EXT1: variants seen among roughly 807,000 people sequenced by gnomAD.
EXT1 encodes the protein exostosin glycosyltransferase 1.
A neutral mutation model predicts 82.5 loss-of-function variants in EXT1; 20 were observed. The observed-to-expected ratio is 0.24, with a 90% CI of 0.17 to 0.35. The LOEUF (loss-of-function observed/expected upper bound fraction) is 0.35, where lower values mean the gene tolerates loss of function less well. Ranked by LOEUF, EXT1 falls within the 10% of genes least tolerant of loss-of-function variation. The probability of loss-of-function intolerance (pLI) is 1.00; values close to 1 mark genes in which losing one functional copy is unlikely to be tolerated. For synonymous variants in EXT1, 348 were observed against 350.8 expected, an observed-to-expected ratio of 0.99 and a Z score of 0.09; for missense variants, 757 against 936.5, an observed-to-expected ratio of 0.81 and a Z score of 2.50.
chr8:118,041,473 T>A (rs978053270), intron 1 of EXT1, among the ~76,000 whole-genome samples: 1 of 152,070 alleles, frequency 6.6e-6, no homozygotes, highest in African/African-American at 2.4e-5. Context: ...GGGATAATAA[T>A]AGTATCTTAC....
At chr8:118,076,695 C>G (rs184422940) in intron 1 of EXT1, among the ~76,000 whole-genome samples, 42 of 152,244 alleles carry the variant, frequency 2.8e-4, no homozygotes, top group Admixed American at 2.6e-3. Flanking sequence ...AAGGGTCTGC[C>G]GAGTGAATAT....
intron 1 of EXT1, among the ~76,000 whole-genome samples, chr8:117,954,922 A>G (rs184046614): frequency 4.6e-5 from 7 of 152,334 alleles, no homozygotes; most frequent in Admixed American, 1.3e-4. Context: ...CAGAGCCACA[A>G]GATTATCCCT....
In EXT1 at chr8:118,110,934, T is replaced by C. The variant is rs794726874; in HGVS notation, c.113A>G (p.Glu38Gly). ...FRASRSHSRR[E>G]EHSGRNGLHH... ...CAAGCCATTCCTACCGCTGTGTTCT[T>C]CTCTCCGGCTGTGGCTCCTCGATGC... Residue 38 changes from glutamate (E) to glycine (G), a missense_variant, in exon 1 of 11, where the codon GAA becomes GGA. By Grantham distance (98) the Glu-to-Gly change is moderately conservative. This residue lies in a region of EXT1 where 175 missense variants were observed against 159.0 expected (regional missense o/e 1.10). Transcript: ENST00000378204. 2.5e-5 allele frequency: 40 copies of C among 1,613,636 alleles called. No homozygotes were observed. Among genetic ancestry groups the C allele is most frequent in the Non-Finnish European group, 3.1e-5 (37 of 1,180,032 alleles).
intron 1 of EXT1, among the ~76,000 whole-genome samples, chr8:117,873,148 G>A (rs73706474): frequency 0.049 from 7,506 of 152,176 alleles, 447 homozygotes; most frequent in African/African-American, 0.14. Flanking sequence ...TGACAAGCCC[G>A]CAGTCTGTAA....
Position 117,899,535 on chromosome 8 carries a change from G to A in EXT1, c.963-62334C>T, listed in dbSNP as rs373285758. On this transcript the variant is annotated intron_variant, in intron 1 of 10. Coordinates refer to ENST00000378204, the MANE Select transcript of EXT1 (RefSeq NM_000127.3). ...ATGACAGCTTGCTAACGTGTTCACAGGACATCAGCTTCTCTTAAAAGCTGC... is the reference window on the plus strand; with the variant it reads ...ATGACAGCTTGCTAACGTGTTCACAAGACATCAGCTTCTCTTAAAAGCTGC... Among the ~76,000 whole-genome samples, 10 of 152,320 alleles carry A rather than the reference G, an allele frequency of 6.6e-5. No homozygotes were observed. The East Asian group carries it at 1.7e-3, about 26-fold the overall frequency.
intron 1 of EXT1, among the ~76,000 whole-genome samples, chr8:118,024,112 G>C (rs1227134347): frequency 6.6e-6 from 1 of 152,110 alleles, no homozygotes; most frequent in Non-Finnish European, 1.5e-5. Flanking sequence ...AGAAATCTTA[G>C]AAGAAAAACA....
At chr8:118,036,834 T>C (rs569760578) in intron 1 of EXT1, among the ~76,000 whole-genome samples, 2 of 152,286 alleles carry the variant, frequency 1.3e-5, no homozygotes, top group African/African-American at 4.8e-5. Flanking sequence ...TGAGCCTCTA[T>C]GACCTTGCAA....
intron 1 of EXT1, among the ~76,000 whole-genome samples, chr8:118,070,203 T>C (rs1416848353): frequency 6.6e-6 from 1 of 151,250 alleles, no homozygotes; most frequent in African/African-American, 2.4e-5. Context: ...AGTCCCAAGA[T>C]TCTTAAAGGA....
rs956170312 is a variant in EXT1 at position 118,111,792 on chromosome 8, A to T, written c.-746T>A. ...CAGCGCTTCGCAGGCCCCCGCGCGA[A>T]CGCTGCCGACCGCCGCGTTCGGTCG... On this transcript the variant is annotated 5_prime_UTR_variant, in exon 1 of 11. Transcript: ENST00000378204. 1 of 149,200 alleles carries T rather than the reference A, an allele frequency of 6.7e-6. No homozygotes were observed. Among genetic ancestry groups the T allele is most frequent in the African/African-American group, 2.4e-5 (1 of 41,124 alleles). The allele number at this position is 149,200 out of a possible 1,614,324, so 9.2% of individuals were successfully genotyped here. A position where few individuals can be genotyped will look rare whatever the true frequency, so the allele number is the denominator to read the frequency against.
chr8:118,008,265 G>T (rs868076344), intron 1 of EXT1, among the ~76,000 whole-genome samples: 5,847 of 151,102 alleles, frequency 0.039, 372 homozygotes, highest in African/African-American at 0.14. Context: ...ACTTTTTTTT[G>T]TTTTTTTATT....
intron 1 of EXT1, among the ~76,000 whole-genome samples, chr8:118,061,326 C>T (rs975154177): frequency 1.3e-5 from 2 of 152,172 alleles, no homozygotes; most frequent in African/African-American, 4.8e-5. Flanking sequence ...CCCTTGGCAG[C>T]CACTTCAGTC....
chr8:118,014,545 A>T (rs1218643737), intron 1 of EXT1, among the ~76,000 whole-genome samples: 1 of 152,184 alleles, frequency 6.6e-6, no homozygotes, highest in Admixed American at 6.5e-5. Flanking sequence ...TTACAGAACA[A>T]CCAAATTAGA....
At chr8:117,939,348 T>C (rs1005453389) in intron 1 of EXT1, among the ~76,000 whole-genome samples, 8 of 151,988 alleles carry the variant, frequency 5.3e-5, no homozygotes, top group African/African-American at 1.9e-4. Context: ...GGCAGGTGGG[T>C]CACCTGAGGT....
At chr8:117,822,742 T>A in intron 4 of EXT1, 145 bp from the exon 5 acceptor site, 1 of 842,360 alleles carries the variant, frequency 1.2e-6, no homozygotes, top group Non-Finnish European at 1.9e-6. Context: ...GATAAAAATG[T>A]CTGCAAGACA....
At chr8:118,086,780 A>G (rs1181477005) in intron 1 of EXT1, among the ~76,000 whole-genome samples, 1 of 152,208 alleles carries the variant, frequency 6.6e-6, no homozygotes, top group Non-Finnish European at 1.5e-5. Flanking sequence ...CTCAAACAGG[A>G]TATAAATATT....
intron 1 of EXT1, among the ~76,000 whole-genome samples, chr8:117,849,987 A>G (rs1405086745): frequency 1.3e-5 from 2 of 152,248 alleles, no homozygotes; most frequent in African/African-American, 2.4e-5. Flanking sequence ...CGGTGATTAA[A>G]CACACATGAT....
intron 7 of EXT1, among the ~76,000 whole-genome samples, chr8:117,815,103 T>A (rs1811781178): frequency 6.6e-6 from 1 of 152,206 alleles, no homozygotes. Flanking sequence ...ATAGACACAG[T>A]GCTCAGAATT....
Position 117,979,379 on chromosome 8 carries a change from C to CAAACAAACAAACAAAA in EXT1, c.962+130705_962+130706insTTTTGTTTGTTTGTTT, listed in dbSNP as rs1043635252. On this transcript the variant is annotated intron_variant, in intron 1 of 10. Coordinates refer to ENST00000378204, the MANE Select transcript of EXT1 (RefSeq NM_000127.3). ...AAAAACAAACAAACAAACAAACAAA[C>CAAACAAACAAACAAAA]AAAAAAACAAAACAAAAAAAGATCC... 3.6e-4 allele frequency among the ~76,000 whole-genome samples: 42 copies of CAAACAAACAAACAAAA among 116,206 alleles called. No homozygotes were observed. The East Asian group carries it at 0.01, about 28-fold the overall frequency. The allele number at this position is 116,206 out of a possible 152,430, so 76.2% of individuals were successfully genotyped here.
At chr8:117,899,616 G>A (rs1359619409) in intron 1 of EXT1, among the ~76,000 whole-genome samples, 3 of 152,172 alleles carry the variant, frequency 2.0e-5, no homozygotes, top group Non-Finnish European at 4.4e-5. Context: ...TTCGGAGGCA[G>A]CTTGTGTTCA....
Sources: allele counts gnomAD v4.1 joint callset (sites outside exome capture counted in the v4.1 genomes callset), GRCh38; gene constraint gnomAD v4.1.1; regional missense constraint gnomAD v4.1.1; transcripts MANE v1.5; gene names NCBI Gene and HGNC (gene_info 2026-07-23, HGNC 2026-07-21).